The following HIF3A variants were observed in gnomAD, a reference collection of about 807,000 sequenced individuals.
The protein encoded by HIF3A is hypoxia-inducible factor 3-alpha.
Under a neutral mutation model 67.2 loss-of-function variants are expected in HIF3A, and 41 were observed. That is an observed-to-expected ratio of 0.61 (90% CI 0.48 to 0.79). The LOEUF (loss-of-function observed/expected upper bound fraction) is 0.79. Ranked by LOEUF, HIF3A falls within the 30% of genes least tolerant of loss-of-function variation. The pLI is 0.00. For missense variants in HIF3A, 855 were observed against 898.0 expected (o/e 0.95, Z 0.61); for synonymous variants, 356 against 374.8 (o/e 0.95, Z 0.58).
intron 1 of HIF3A, among the ~76,000 whole-genome samples, chr19:46,302,765 A>G (rs966060496): frequency 1.3e-5 from 2 of 152,134 alleles, no homozygotes; most frequent in African/African-American, 2.4e-5. Context: ...TCCCAGCTAC[A>G]TAAGAGGCTG....
intron 6 of HIF3A, 66 bp from the exon 7 acceptor site, chr19:46,312,095 C>T (rs1235855698): frequency 1.7e-6 from 2 of 1,145,268 alleles, no homozygotes; most frequent in African/African-American, 1.5e-5. Context: ...GCTGCTACTT[C>T]CCTCTGCCTA....
At chr19:46,305,730 G>A (rs1968786602) in intron 3 of HIF3A, among the ~76,000 whole-genome samples, 1 of 152,050 alleles carries the variant, frequency 6.6e-6, no homozygotes, top group Non-Finnish European at 1.5e-5. Context: ...ATGGTAGAGG[G>A]AACAGAGGAG....
In HIF3A at chr19:46,331,384, C is replaced by G. The variant is rs757160528; in HGVS notation, c.1830+111C>G. ...GGGCAGGGGCTGGTTGAGGGTCATA[C>G]AGAAAGTCAGTGGGCCAGCTGAGAC... On this transcript the variant is annotated intron_variant, in intron 13 of 14. Coordinates refer to ENST00000377670, the MANE Select transcript of HIF3A (RefSeq NM_152795.4). The G allele has an allele frequency of 6.2e-6, 5 of 800,690 alleles. No homozygotes were observed. The African/African-American group carries it at 8.5e-5, about 14-fold the overall frequency. 49.6% of individuals were successfully genotyped at this position (800,690 alleles called of 1,614,324 possible).
At chr19:46,299,545 A>G (rs1170750524) in intron 1 of HIF3A, among the ~76,000 whole-genome samples, 2 of 151,848 alleles carry the variant, frequency 1.3e-5, no homozygotes, top group African/African-American at 4.8e-5. Flanking sequence ...AATCTCATCT[A>G]TACTAGAAGT....
chr19:46,332,908 G>A (rs1971339345), intron 13 of HIF3A, among the ~76,000 whole-genome samples: 1 of 151,700 alleles, frequency 6.6e-6, no homozygotes, highest in East Asian at 1.9e-4. Context: ...CTTGAACTCT[G>A]GAGGCAGAGG....
chr19:46,335,042 C>T lies in HIF3A; in HGVS notation c.1912+56C>T, dbSNP rs989595162. On this transcript the variant is annotated intron_variant, in intron 14 of 14. Coordinates refer to ENST00000377670, the MANE Select transcript of HIF3A (RefSeq NM_152795.4). ...AGAGCACCTTCTCCCCCGGGAGGTGCGAGAGGGATGGAGCCATTCCAAAGG... is the reference window on the plus strand; with the variant it reads ...AGAGCACCTTCTCCCCCGGGAGGTGTGAGAGGGATGGAGCCATTCCAAAGG... 2.9e-5 allele frequency: 41 copies of T among 1,419,116 alleles called. No homozygotes were observed. The African/African-American group carries it at 5.2e-4, about 18-fold the overall frequency. 87.9% of individuals were successfully genotyped at this position (1,419,116 alleles called of 1,614,324 possible).
rs746428995 is a variant in HIF3A at position 46,305,316 on chromosome 19, G to A, written c.289G>A (p.Val97Ile). The A allele has an allele frequency of 6.4e-5, 103 of 1,614,016 alleles. No individual in the cohort carries two copies. Among genetic ancestry groups the A allele is most frequent in the Middle Eastern group, 1.6e-4 (1 of 6,084 alleles). ...CTACCTGAAGGCCCTGGAGGGCTTC[G>A]TCATGGTGCTCACCGCCGAGGGAGA... is the stretch of plus-strand genomic sequence containing the variant. ...ACYLKALEGF[V>I]MVLTAEGDMA... The change falls in exon 3 of 15, where the codon GTC becomes ATC. Residue 97 changes from valine to isoleucine, a missense_variant. Physicochemically the swap from Val to Ile is conservative, Grantham distance 29. This residue lies in a region of HIF3A where 638 missense variants were observed against 660.5 expected (regional missense o/e 0.97). Transcript: ENST00000377670.
intron 14 of HIF3A, among the ~76,000 whole-genome samples, chr19:46,338,073 A>G (rs1446656729): frequency 6.6e-6 from 1 of 152,174 alleles, no homozygotes; most frequent in East Asian, 1.9e-4. Flanking sequence ...TATGCACCTG[A>G]TCCAATTGGC....
intron 4 of HIF3A, 170 bp downstream of exon 4, chr19:46,308,475 G>C (rs1048679440): frequency 3.1e-6 from 2 of 635,502 alleles, no homozygotes; most frequent in Non-Finnish European, 5.5e-6. Flanking sequence ...CCCTGGGGGG[G>C]TCTGAGGGGA....
At chr19:46,306,259 G>T (rs1968842430) in intron 3 of HIF3A, among the ~76,000 whole-genome samples, 1 of 152,140 alleles carries the variant, frequency 6.6e-6, no homozygotes, top group Non-Finnish European at 1.5e-5. Context: ...CAGTGGAGAG[G>T]TTGTGCCAGA....
intron 10 of HIF3A, among the ~76,000 whole-genome samples, chr19:46,323,082 C>T (rs987759512): frequency 1.3e-5 from 2 of 149,176 alleles, no homozygotes; most frequent in African/African-American, 4.9e-5. Context: ...CGGAGTTTTG[C>T]TCTTATCGCC....
rs559320651 is a variant in HIF3A at position 46,312,147 on chromosome 19, C to T, written c.771-14C>T. The T allele has an allele frequency of 8.7e-6, 14 of 1,609,698 alleles. No homozygotes were observed. Among genetic ancestry groups the T allele is most frequent in the African/African-American group, 8.0e-5 (6 of 74,896 alleles). On this transcript the variant is annotated splice_polypyrimidine_tract_variant and intron_variant, in intron 6 of 14. Transcript: ENST00000377670. The stretch of plus-strand genomic sequence containing the variant: ...GTAGCATCCTGACCAGACCCCACTC[C>T]GCCCCACCCCCAGGATTGCAGAAGT...
Position 46,312,610 on chromosome 19 carries a change from G to A in HIF3A, c.982G>A (p.Gly328Ser), listed in dbSNP as rs770139829. 6 of 1,594,020 alleles carry A rather than the reference G, an allele frequency of 3.8e-6. No individual in the cohort carries two copies. The South Asian group carries it at 6.8e-5, about 18-fold the overall frequency. ...GGCCACAGTGGTGTCAGGGGGACGGGGCCCCCAGTCGGAGAGTATCGTCTG... is the reference window on the plus strand; with the variant it reads ...GGCCACAGTGGTGTCAGGGGGACGGAGCCCCCAGTCGGAGAGTATCGTCTG... Reference protein sequence around the residue: ...TQATVVSGGRGPQSESIVCVH... With the variant: ...TQATVVSGGRSPQSESIVCVH... Residue 328 changes from glycine to serine, a missense_variant, in exon 8 of 15, where the codon GGC becomes AGC. Gly to Ser is a moderately conservative substitution (Grantham distance 56). Transcript: ENST00000377670.
chr19:46,304,160 G>T (rs1449558142), intron 2 of HIF3A, 72 bp downstream of exon 2: 28 of 1,377,318 alleles, frequency 2.0e-5, no homozygotes, highest in Non-Finnish European at 2.6e-5. Flanking sequence ...TCCCAGGGAG[G>T]CCCCTCCTCC....
At chr19:46,323,612 A>G (rs1298454789) in intron 10 of HIF3A, among the ~76,000 whole-genome samples, 1 of 152,160 alleles carries the variant, frequency 6.6e-6, no homozygotes, top group Non-Finnish European at 1.5e-5. Flanking sequence ...TGTATAAAAT[A>G]ACACCACAGG....
At position 46,320,523 on chromosome 19, in the gene HIF3A, CCT is replaced by C; in HGVS notation, c.1110_1111del (p.Gln371GlufsTer5). On this transcript the variant is annotated frameshift_variant, in exon 9 of 15. Transcript: ENST00000377670. LOFTEE classifies it high-confidence loss of function. ...CGCAGACCCATTCAGCGGGGCGCCC[CCT>C]CTCAGAAGGACACCCCTAACCCTGG... 6.2e-7 allele frequency: 1 copy of C among 1,614,134 alleles called. No individual in the cohort carries two copies. The highest frequency in any genetic ancestry group is 8.5e-7 in the Non-Finnish European group (1 of 1,179,994).
chr19:46,316,457 C>T (rs533599059), intron 8 of HIF3A, among the ~76,000 whole-genome samples: 1 of 151,950 alleles, frequency 6.6e-6, no homozygotes, highest in African/African-American at 2.4e-5. Context: ...AAGCTTTTCA[C>T]CATTTAGAAA....
chr19:46,325,595 G>A lies in HIF3A; in HGVS notation c.1396G>A (p.Gly466Arg), dbSNP rs139513428. The A allele has an allele frequency of 2.4e-5, 38 of 1,613,230 alleles. No individual in the cohort carries two copies. The highest frequency in any genetic ancestry group is 6.7e-5 in the Admixed American group (4 of 59,970). ...GAATGTGCACAGACTCTTCACCTCC[G>A]GGAAAGACACTGAGGCAGTGGAGAC... The part of the protein sequence containing the change: ...TENVHRLFTS[G>R]KDTEAVETDL... Residue 466 changes from glycine (G) to arginine (R), a missense_variant, in exon 11 of 15, where the codon GGG becomes AGG. Gly to Arg is a moderately radical substitution (Grantham distance 125, BLOSUM62 -2). Coordinates refer to ENST00000377670, the MANE Select transcript of HIF3A (RefSeq NM_152795.4).
intron 2 of HIF3A, 163 bp from the exon 3 acceptor site, chr19:46,305,082 C>T: frequency 1.0e-6 from 1 of 980,278 alleles, no homozygotes. Context: ...GTCCTGCTTT[C>T]TTCCTTGGGA....
Sources: allele counts gnomAD v4.1 joint callset (sites outside exome capture counted in the v4.1 genomes callset), GRCh38; gene constraint gnomAD v4.1.1; regional missense constraint gnomAD v4.1.1; transcripts MANE v1.5; gene names NCBI Gene and HGNC (gene_info 2026-07-23, HGNC 2026-07-21).